Variants in FRMD4B observed in about 807,000 individuals in gnomAD.
FRMD4B encodes FERM domain-containing protein 4B.
In FRMD4B, 74 loss-of-function variants were observed where a neutral mutation model predicts 141.5. The ratio of observed to expected loss-of-function variants is 0.52; its 90% confidence interval spans 0.43 to 0.63. The LOEUF (loss-of-function observed/expected upper bound fraction) is 0.63, where lower values mean the gene tolerates loss of function less well. Ranked by LOEUF, FRMD4B falls within the 30% of genes least tolerant of loss-of-function variation. FRMD4B has a pLI of 0.00. For missense variants in FRMD4B, 1,366 were observed against 1,253.4 expected (o/e 1.09, Z -1.36); for synonymous variants, 506 against 467.9 (o/e 1.08, Z -1.05).
chr3:69,342,415 T>C (rs924100194), intron 1 of FRMD4B, among the ~76,000 whole-genome samples: 2 of 152,206 alleles, frequency 1.3e-5, no homozygotes, highest in Non-Finnish European at 2.9e-5. Flanking sequence ...GGCTAATGAA[T>C]AACTGGTTTC....
At chr3:69,290,598 A>C (rs1700841403) in intron 4 of FRMD4B, among the ~76,000 whole-genome samples, 1 of 152,198 alleles carries the variant, frequency 6.6e-6, no homozygotes, top group Admixed American at 6.5e-5. Flanking sequence ...CAATGAAGAT[A>C]ATATGAGCAG....
At chr3:69,291,958 G>C (rs1700891368) in intron 4 of FRMD4B, among the ~76,000 whole-genome samples, 1 of 134,558 alleles carries the variant, frequency 7.4e-6, no homozygotes, top group African/African-American at 2.8e-5. Flanking sequence ...ACCAGATGCA[G>C]TAGGCAACAA....
At chr3:69,486,037 T>C (rs1274500649) in intron 1 of FRMD4B, among the ~76,000 whole-genome samples, 2 of 152,232 alleles carry the variant, frequency 1.3e-5, no homozygotes, top group African/African-American at 4.8e-5. Flanking sequence ...CAATGCATAG[T>C]GGTGGTGCAC....
At chr3:69,398,284 A>C (rs1198347892) in intron 2 of FRMD4B, among the ~76,000 whole-genome samples, 1 of 152,184 alleles carries the variant, frequency 6.6e-6, no homozygotes, top group African/African-American at 2.4e-5. Context: ...TAATTGACAC[A>C]TAATAATTAC....
chr3:69,319,235 T>C (rs1288445958), intron 1 of FRMD4B, among the ~76,000 whole-genome samples: 2 of 152,218 alleles, frequency 1.3e-5, no homozygotes, highest in Admixed American at 6.5e-5. Context: ...TCTTACTAGC[T>C]GTGCTACCTT....
At chr3:69,222,014 T>C (rs1172707708) in intron 8 of FRMD4B, 91 bp from the exon 9 acceptor site, 3 of 744,320 alleles carry the variant, frequency 4.0e-6, no homozygotes, top group Non-Finnish European at 7.2e-6. Context: ...GTCAGGAAAC[T>C]TGAGAGAGAA....
At chr3:69,462,553 C>A (rs757771571) in intron 1 of FRMD4B, among the ~76,000 whole-genome samples, 1 of 152,212 alleles carries the variant, frequency 6.6e-6, no homozygotes, top group Non-Finnish European at 1.5e-5. Flanking sequence ...TTGCCCAAAG[C>A]TACATAATTG....
At chr3:69,435,419 A>G (rs903434299) in intron 1 of FRMD4B, among the ~76,000 whole-genome samples, 1 of 152,186 alleles carries the variant, frequency 6.6e-6, no homozygotes, top group Non-Finnish European at 1.5e-5. Flanking sequence ...GGTGTAAACC[A>G]AGCATCACAA....
At chr3:69,385,727 T>C in intron 1 of FRMD4B, 101 bp downstream of exon 1, 1 of 1,051,360 alleles carries the variant, frequency 9.5e-7, no homozygotes. Context: ...GCTAGGAGTT[T>C]AAGAAGAGCT....
rs980960069 is a variant in FRMD4B, at chr3:69,419,404, C to G, written c.-1+13230G>C. Among the ~76,000 whole-genome samples, 99 of 152,240 alleles carry G rather than the reference C, an allele frequency of 6.5e-4. 2 individuals carry two copies. The highest frequency in any genetic ancestry group is 2.3e-3 in the African/African-American group (96 of 41,546). ...GCTCAGGCAGCCTCTTCCAGTGGAGCCAGAGGTGGCCACTCATAGGTCCAG... is the reference window on the plus strand; with the variant it reads ...GCTCAGGCAGCCTCTTCCAGTGGAGGCAGAGGTGGCCACTCATAGGTCCAG... On this transcript the variant is annotated intron_variant, in intron 2 of 5. Transcript: ENST00000459638.
At chr3:69,182,847 T>C (rs2092723111) in intron 19 of FRMD4B, 130 bp from the exon 20 acceptor site, 3 of 840,658 alleles carry the variant, frequency 3.6e-6, no homozygotes, top group Admixed American at 2.9e-5. Flanking sequence ...ATAGGAAGAG[T>C]GTCTTTGTGG....
intron 7 of FRMD4B, among the ~76,000 whole-genome samples, chr3:69,233,482 CAAA>C (rs747234977): frequency 2.2e-4 from 17 of 75,908 alleles, no homozygotes; most frequent in Admixed American, 2.9e-4. Context: ...GACCCTGTCT[CAAA>C]AAAAAAAAAA....
At chr3:69,491,976 C>G (rs1188926418) in intron 1 of FRMD4B, among the ~76,000 whole-genome samples, 1 of 152,292 alleles carries the variant, frequency 6.6e-6, no homozygotes, top group East Asian at 1.9e-4. Flanking sequence ...TCCTCTTCCC[C>G]CTCCTCCGCC....
chr3:69,511,245 C>CAAAT, intron 1 of FRMD4B, among the ~76,000 whole-genome samples: 1 of 152,142 alleles, frequency 6.6e-6, no homozygotes, highest in South Asian at 2.1e-4. Flanking sequence ...TTCCCTAAGG[C>CAAAT]AAATCCTCTT....
chr3:69,342,472 A>C (rs1702771307), intron 1 of FRMD4B, among the ~76,000 whole-genome samples: 1 of 152,174 alleles, frequency 6.6e-6, no homozygotes, highest in African/African-American at 2.4e-5. Context: ...AAGATTACCC[A>C]TTCATTACTT....
chr3:69,361,675 G>T (rs1162752131), intron 1 of FRMD4B, among the ~76,000 whole-genome samples: 1 of 152,112 alleles, frequency 6.6e-6, no homozygotes, highest in East Asian at 1.9e-4. Flanking sequence ...GCATGTATTA[G>T]CAATTCATTC....
intron 1 of FRMD4B, among the ~76,000 whole-genome samples, chr3:69,337,412 T>C (rs1298570539): frequency 6.6e-6 from 1 of 152,196 alleles, no homozygotes; most frequent in African/African-American, 2.4e-5. Flanking sequence ...ACTTCATGTC[T>C]AAAACACCAA....
chr3:69,328,718 G>A (rs1702264135), intron 1 of FRMD4B, among the ~76,000 whole-genome samples: 1 of 152,152 alleles, frequency 6.6e-6, no homozygotes, highest in African/African-American at 2.4e-5. Context: ...TAATGCAATT[G>A]CATGCTTTAA....
intron 17 of FRMD4B, 49 bp downstream of exon 17, chr3:69,193,599 G>T (rs1305285342): frequency 5.1e-6 from 5 of 971,792 alleles, no homozygotes; most frequent in Non-Finnish European, 7.8e-6. Context: ...TATATACCAT[G>T]AAGTACTGAG....
Sources: gnomAD v4.1 joint callset for allele counts (sites outside exome capture counted in the v4.1 genomes callset) on GRCh38, gnomAD v4.1.1 for gene constraint, MANE v1.5 for transcripts, NCBI Gene and HGNC (gene_info 2026-07-23, HGNC 2026-07-21) for gene names.